GANC: variants seen among roughly 807,000 people sequenced by gnomAD.
GANC encodes the protein neutral alpha-glucosidase C.
GANC carries 117 observed loss-of-function variants against 124.2 expected under a neutral mutation model. That is an observed-to-expected ratio of 0.94 (90% CI 0.81 to 1.10). The LOEUF (loss-of-function observed/expected upper bound fraction) is 1.10, where lower values mean the gene tolerates loss of function less well. Among genes scored for constraint, GANC ranks in the 50% least tolerant of loss-of-function variants. GANC has a pLI of 0.00. For missense variants in GANC, 1,140 were observed against 1,095.0 expected (o/e 1.04, Z -0.58); for synonymous variants, 377 against 376.8 (o/e 1.00, Z -0.01).
rs943698543 is a variant in GANC, at chr15:42,352,205, T to A, written c.*66T>A. 1.1e-5 allele frequency: 17 copies of A among 1,585,918 alleles called. No homozygotes were observed. The South Asian group carries it at 1.9e-4, about 18-fold the overall frequency. ...CCCCTTTCAACCTTTCCCCTCACCTTTTTTGAGATTTTTGCTGCAATCTGT... is the reference window on the plus strand; with the variant it reads ...CCCCTTTCAACCTTTCCCCTCACCTATTTTGAGATTTTTGCTGCAATCTGT... On this transcript the variant is annotated 3_prime_UTR_variant, in exon 24 of 24. Transcript: ENST00000318010.
chr15:42,283,950 A>G (rs1168697614), intron 3 of GANC: 3 of 702,604 alleles, frequency 4.3e-6, no homozygotes, highest in Non-Finnish European at 7.8e-6. Context: ...CTTGCAATAA[A>G]CCAACTGGCT....
chr15:42,301,703 C>T lies in GANC; in HGVS notation c.558+4047C>T, dbSNP rs144314454. On this transcript the variant is annotated intron_variant, in intron 6 of 23. Coordinates refer to ENST00000318010, the MANE Select transcript of GANC (RefSeq NM_198141.3). ...CCGCCATCACTGAGGCTTGAGTAGG[C>T]GGTTTTCCCCTCACAGTCTAAACAG... Among the ~76,000 whole-genome samples, 1,041 of 152,256 alleles carry T rather than the reference C, an allele frequency of 6.8e-3. 9 individuals are homozygous for T. The highest frequency in any genetic ancestry group is 0.024 in the African/African-American group (1,007 of 41,544).
chr15:42,276,941 G>A (rs1367990534), intron 2 of GANC, among the ~76,000 whole-genome samples: 1 of 151,850 alleles, frequency 6.6e-6, no homozygotes, highest in Non-Finnish European at 1.5e-5. Context: ...CATGGAGATT[G>A]TTTCTCCTTT....
chr15:42,341,117 T>C (rs1050456763), intron 18 of GANC, among the ~76,000 whole-genome samples: 1 of 132,768 alleles, frequency 7.5e-6, no homozygotes, highest in African/African-American at 2.9e-5. Context: ...ACGTTTTTAT[T>C]ATATTTTCTA....
intron 15 of GANC, among the ~76,000 whole-genome samples, chr15:42,331,186 G>A (rs372717119): frequency 1.3e-5 from 2 of 152,174 alleles, no homozygotes; most frequent in South Asian, 2.1e-4. Flanking sequence ...CTATAAGACA[G>A]AATAAACAAA....
At chr15:42,282,060 C>T (rs982061812) in intron 3 of GANC, among the ~76,000 whole-genome samples, 1 of 152,116 alleles carries the variant, frequency 6.6e-6, no homozygotes, top group African/African-American at 2.4e-5. Context: ...CGGTGGCTCA[C>T]ACCTATAATC....
Position 42,353,074 on chromosome 15 carries a change from GTA to G in GANC, c.*937_*938del. The G allele has an allele frequency of 1.0e-6, 1 of 952,424 alleles. No individual in the cohort carries two copies. The highest frequency in any genetic ancestry group is 1.3e-6 in the Non-Finnish European group (1 of 799,528). The allele number at this position is 952,424 out of a possible 1,614,324, so 59.0% of individuals were successfully genotyped here. ...AAAATTTAAAATAAAGACAGGATTA[GTA>G]TTACTGAGTTTTCCTTTTGTCCCAG... On this transcript the variant is annotated 3_prime_UTR_variant, in exon 24 of 24. Coordinates refer to ENST00000318010, the MANE Select transcript of GANC (RefSeq NM_198141.3).
At chr15:42,302,920 G>C (rs2051960282) in intron 6 of GANC, among the ~76,000 whole-genome samples, 1 of 152,174 alleles carries the variant, frequency 6.6e-6, no homozygotes, top group South Asian at 2.1e-4. Flanking sequence ...AACCAAGTTG[G>C]AAAACACTCT....
intron 18 of GANC, among the ~76,000 whole-genome samples, chr15:42,342,349 C>T (rs572416245): frequency 2.0e-5 from 3 of 152,110 alleles, no homozygotes; most frequent in Admixed American, 6.5e-5. Flanking sequence ...TGTGGGAGGT[C>T]GAGTATGAGA....
At chr15:42,306,216 A>G (rs766203589) in intron 6 of GANC, among the ~76,000 whole-genome samples, 2 of 152,058 alleles carry the variant, frequency 1.3e-5, no homozygotes, top group Non-Finnish European at 2.9e-5. Flanking sequence ...TAGTAGTTCA[A>G]TAGTTGCACA....
intron 11 of GANC, among the ~76,000 whole-genome samples, chr15:42,323,369 C>T (rs1343415839): frequency 6.6e-6 from 1 of 152,134 alleles, no homozygotes; most frequent in Middle Eastern, 3.2e-3. Context: ...AAGTATCCAA[C>T]TACAATACAG....
intron 6 of GANC, among the ~76,000 whole-genome samples, chr15:42,300,459 C>A (rs112294245): frequency 0.059 from 8,993 of 152,130 alleles, 383 homozygotes; most frequent in South Asian, 0.16. Flanking sequence ...ACAATAGATG[C>A]TGGCGAGGCT....
At chr15:42,288,736 C>G (rs114683211) in intron 4 of GANC, among the ~76,000 whole-genome samples, 1,636 of 152,178 alleles carry the variant, frequency 0.011, 30 homozygotes, top group African/African-American at 0.038. Flanking sequence ...GTTACCCCAG[C>G]TGGTATCAAA....
chr15:42,310,039 T>C (rs2052035703), intron 8 of GANC, among the ~76,000 whole-genome samples: 1 of 151,880 alleles, frequency 6.6e-6, no homozygotes. Flanking sequence ...AAAGGAGATA[T>C]TTAGAAAAGA....
chr15:42,310,958 C>A, intron 10 of GANC, 112 bp downstream of exon 10: 1 of 1,188,558 alleles, frequency 8.4e-7, no homozygotes, highest in Non-Finnish European at 1.2e-6. Context: ...ATAACTTACC[C>A]AAGCATTTTA....
Position 42,274,343 on chromosome 15 carries a change from T to C in GANC, c.-139T>C, listed in dbSNP as rs2051629528. 1 of 820,346 alleles carries C rather than the reference T, an allele frequency of 1.2e-6. No individual in the cohort carries two copies. Among genetic ancestry groups the C allele is most frequent in the South Asian group, 1.6e-5 (1 of 62,928 alleles). The allele number at this position is 820,346 out of a possible 1,614,324, so 50.8% of individuals were successfully genotyped here. On this transcript the variant is annotated 5_prime_UTR_variant, in exon 1 of 24. Coordinates refer to ENST00000318010, the MANE Select transcript of GANC (RefSeq NM_198141.3). ...CAAGATTTGTCACTCCATGAGAATC[T>C]GGAGGGGACTCCCTTCCCAGAAACT...
chr15:42,301,028 A>AAG (rs1555413160), intron 6 of GANC, among the ~76,000 whole-genome samples: 3 of 150,906 alleles, frequency 2.0e-5, no homozygotes, highest in Admixed American at 6.6e-5. Context: ...CAAAAAAAAA[A>AAG]AAAGAAAGAA....
Position 42,273,261 on chromosome 15 carries a change from T to C in GANC, c.-1221T>C, listed in dbSNP as rs770209829. 7 of 1,613,978 alleles carry C rather than the reference T, an allele frequency of 4.3e-6. No individual in the cohort carries two copies. The highest frequency in any genetic ancestry group is 5.9e-6 in the Non-Finnish European group (7 of 1,180,030). ...TAGTGAAGTGAATACTCACCGACGG[T>C]ATCGGAATGTGCCATTTGGACCGGT... On this transcript the variant is annotated 5_prime_UTR_variant, in exon 1 of 24. Transcript: ENST00000318010.
intron 5 of GANC, among the ~76,000 whole-genome samples, chr15:42,295,213 A>G (rs2141029472): frequency 6.6e-6 from 1 of 152,004 alleles, no homozygotes; most frequent in South Asian, 2.1e-4. Flanking sequence ...TGAACTCGTG[A>G]TCCGCCCGCC....
Sources: gnomAD v4.1 joint callset for allele counts (sites outside exome capture counted in the v4.1 genomes callset) on GRCh38, gnomAD v4.1.1 for gene constraint, MANE v1.5 for transcripts, NCBI Gene and HGNC (gene_info 2026-07-23, HGNC 2026-07-21) for gene names.